The following PRKAR1B variants were observed in gnomAD, a reference collection of about 807,000 sequenced individuals.
PRKAR1B encodes the protein protein kinase cAMP-dependent type I regulatory subunit beta, also known as cAMP-dependent protein kinase type I-beta regulatory subunit.
PRKAR1B carries 22 observed loss-of-function variants against 46.5 expected under a neutral mutation model. The ratio of observed to expected loss-of-function variants is 0.47; its 90% CI spans 0.34 to 0.68. PRKAR1B has a LOEUF of 0.68. Among genes scored for constraint, PRKAR1B ranks in the 30% least tolerant of loss-of-function variants. The probability of loss-of-function intolerance (pLI) is 0.01; values close to 1 mark genes in which losing one functional copy is unlikely to be tolerated. For synonymous variants in PRKAR1B, 259 were observed against 217.7 expected (o/e 1.19, Z -1.67); for missense variants, 445 against 535.6 (o/e 0.83, Z 1.67).
chr7:651,939 A>G (rs1285697987), intron 4 of PRKAR1B, among the ~76,000 whole-genome samples: 2 of 70,252 alleles, frequency 2.8e-5, no homozygotes, highest in Admixed American at 1.2e-4. Flanking sequence ...GTTCACACCC[A>G]CACAGCGCTA....
intron 9 of PRKAR1B, among the ~76,000 whole-genome samples, chr7:576,851 A>G (rs1417916900): frequency 1.3e-5 from 2 of 152,078 alleles, no homozygotes; most frequent in Non-Finnish European, 2.9e-5. Context: ...TTGCAGGTGC[A>G]GGGGCCCGAG....
chr7:599,871 G>A (rs909607269), intron 6 of PRKAR1B, among the ~76,000 whole-genome samples: 3 of 143,982 alleles, frequency 2.1e-5, no homozygotes, highest in Non-Finnish European at 3.1e-5. Context: ...GGAGGCACAC[G>A]GGCAGGCCCC....
chr7:597,715 G>A (rs1384829062), intron 6 of PRKAR1B, among the ~76,000 whole-genome samples: 5 of 152,234 alleles, frequency 3.3e-5, no homozygotes, highest in Non-Finnish European at 7.3e-5. Context: ...GAGGACTGGC[G>A]ATGAAGCCGG....
rs1784087478 is a variant in PRKAR1B at position 550,138 on chromosome 7, G to T, written c.*292C>A. On this transcript the variant is annotated 3_prime_UTR_variant, in exon 11 of 11. Coordinates refer to ENST00000537384, the MANE Select transcript of PRKAR1B (RefSeq NM_001164760.2). Reference sequence around the variant, plus strand: ...TCCAGGAGACTGGCAGGGGTGGGGTGGGCCCCCCAGGAGAAGCCCACAGAG... The same window carrying T: ...TCCAGGAGACTGGCAGGGGTGGGGTTGGCCCCCCAGGAGAAGCCCACAGAG... 3 of 406,890 alleles carry T rather than the reference G, an allele frequency of 7.4e-6. No homozygotes were observed. Among genetic ancestry groups the T allele is most frequent in the African/African-American group, 4.2e-5 (2 of 47,934 alleles). 25.2% of individuals were successfully genotyped at this position (406,890 alleles called of 1,614,324 possible).
At chr7:718,023 G>C (rs1012315416) in intron 1 of PRKAR1B, among the ~76,000 whole-genome samples, 1 of 152,092 alleles carries the variant, frequency 6.6e-6, no homozygotes, top group Admixed American at 6.5e-5. Flanking sequence ...ATCAGTGGCT[G>C]TAAGAGGACC....
rs767804442 is a variant in PRKAR1B, at chr7:644,913, C to T, written c.440+32316G>A. Among the ~76,000 whole-genome samples the T allele has an allele frequency of 3.9e-5, 6 of 152,300 alleles. No homozygotes were observed. Among genetic ancestry groups the T allele is most frequent in the African/African-American group, 9.6e-5 (4 of 41,570 alleles). On this transcript the variant is annotated intron_variant, in intron 4 of 10. Transcript: ENST00000537384. This position sits in a 1 kb window ranked among gnomAD's most constrained non-coding sequence, Gnocchi z 4.9. ...AGGCCGCCCAGGCCACCCCGTCTCACGATGGGGAGATGTGAGACCCTGAAA... is the reference window on the plus strand; with the variant it reads ...AGGCCGCCCAGGCCACCCCGTCTCATGATGGGGAGATGTGAGACCCTGAAA...
chr7:701,732 T>C (rs1433414715), intron 2 of PRKAR1B, among the ~76,000 whole-genome samples: 1 of 152,184 alleles, frequency 6.6e-6, no homozygotes, highest in Non-Finnish European at 1.5e-5. Flanking sequence ...TGAAATAAAA[T>C]CACTCTCCAC....
chr7:696,089 C>T (rs2128519444), intron 2 of PRKAR1B, among the ~76,000 whole-genome samples: 1 of 151,674 alleles, frequency 6.6e-6, no homozygotes, highest in African/African-American at 2.4e-5. Context: ...CCATCTCAGC[C>T]TCCTGAGTAT....
chr7:699,161 G>C (rs1296026960), intron 2 of PRKAR1B, among the ~76,000 whole-genome samples: 3 of 152,256 alleles, frequency 2.0e-5, no homozygotes, highest in Non-Finnish European at 4.4e-5. Flanking sequence ...GGCCTCAGAG[G>C]CATGCCTGGG....
intron 4 of PRKAR1B, among the ~76,000 whole-genome samples, chr7:624,437 GAAAAA>G (rs113289360): frequency 6.9e-6 from 1 of 144,076 alleles, no homozygotes; most frequent in African/African-American, 2.5e-5. Context: ...ATCTCAAAAA[GAAAAA>G]AAAAAAGTGC....
intron 2 of PRKAR1B, among the ~76,000 whole-genome samples, chr7:704,346 C>T (rs1780204188): frequency 6.6e-6 from 1 of 152,282 alleles, no homozygotes; most frequent in Non-Finnish European, 1.5e-5. Context: ...ATTACCGTCT[C>T]AGGAATGAAA....
intron 4 of PRKAR1B, among the ~76,000 whole-genome samples, chr7:616,340 C>T (rs1430639519): frequency 6.6e-6 from 1 of 152,262 alleles, no homozygotes; most frequent in Admixed American, 6.5e-5. Context: ...TTCCTTCCCC[C>T]TCCACCTGCC....
intron 2 of PRKAR1B, among the ~76,000 whole-genome samples, chr7:687,080 T>C (rs1418146475): frequency 6.6e-6 from 1 of 152,220 alleles, no homozygotes; most frequent in African/African-American, 2.4e-5. Context: ...CTAGCACCCC[T>C]AGGCTAGCCA....
intron 4 of PRKAR1B, among the ~76,000 whole-genome samples, chr7:615,411 C>A (rs28850367): frequency 6.1e-5 from 9 of 148,066 alleles, no homozygotes; most frequent in Non-Finnish European, 1.3e-4. Flanking sequence ...GGAGACAGAG[C>A]GAGACTCCGT....
rs9719797 is a variant in PRKAR1B at position 726,792 on chromosome 7, G to A, written c.-23+418C>T. The A allele has an allele frequency of 7.6e-3, 9,852 of 1,289,962 alleles. 623 individuals are homozygous for A. In the African/African-American group the frequency reaches 0.14, roughly 18 times the overall value. The allele number at this position is 1,289,962 out of a possible 1,614,324, so 79.9% of individuals were successfully genotyped here. On this transcript the variant is annotated intron_variant, in intron 1 of 10. Coordinates refer to ENST00000537384, the MANE Select transcript of PRKAR1B (RefSeq NM_001164760.2). The stretch of plus-strand genomic sequence containing the variant: ...CTGAGGGGGCCGAGACGGCTGAGGC[G>A]GTGGAGCTGAGCCGCGCCCTGAGCC...
intron 4 of PRKAR1B, among the ~76,000 whole-genome samples, chr7:620,122 G>A (rs1369424938): frequency 2.0e-5 from 3 of 151,708 alleles, no homozygotes; most frequent in Non-Finnish European, 2.9e-5. Flanking sequence ...CCAAAGTGCT[G>A]GGATTACAGG....
At position 550,472 on chromosome 7, in the gene PRKAR1B, C is replaced by T; in HGVS notation, c.1104G>A (p.Arg368=). ...TGAAGCTGTTGTAACGCTGAATGTTCCTCTTGAGGATCTCAGAGCAGGGCC... is the reference window on the plus strand; with the variant it reads ...TGAAGCTGTTGTAACGCTGAATGTTTCTCTTGAGGATCTCAGAGCAGGGCC... ...VLGPCSEILK[R]NIQRYNSFIS... The change falls in exon 11 of 11, where the codon AGG becomes AGA. Residue 368 remains arginine, a synonymous_variant. Coordinates refer to ENST00000537384, the MANE Select transcript of PRKAR1B (RefSeq NM_001164760.2). 7 of 1,597,550 alleles carry T rather than the reference C, an allele frequency of 4.4e-6. No individual in the cohort carries two copies. The highest frequency in any genetic ancestry group is 6.0e-6 in the Non-Finnish European group (7 of 1,172,590).
intron 3 of PRKAR1B, among the ~76,000 whole-genome samples, chr7:680,157 CAAAAAA>C (rs372918350): frequency 7.7e-4 from 57 of 73,688 alleles, no homozygotes; most frequent in African/African-American, 2.6e-3. Flanking sequence ...GACTCTGTTT[CAAAAAA>C]AAAAAAAAAA....
rs976364678 is a variant in PRKAR1B, at chr7:648,841, A to C, written c.440+28388T>G. Among the ~76,000 whole-genome samples the C allele has an allele frequency of 4.6e-5, 7 of 152,094 alleles. No homozygotes were observed. In the East Asian group the frequency reaches 1.4e-3, roughly 29 times the overall value. On this transcript the variant is annotated intron_variant, in intron 4 of 10. Transcript: ENST00000537384. ...CCCATAGGGATTGGACACTCACCAA[A>C]ACAAGATATCACGGAGAAAATTTAA... is the stretch of plus-strand genomic sequence containing the variant.
Sources: gnomAD v4.1 joint callset for allele counts (sites outside exome capture counted in the v4.1 genomes callset) on GRCh38, gnomAD v4.1.1 for gene constraint, Gnocchi (gnomAD v3.1) non-coding constraint, MANE v1.5 for transcripts, NCBI Gene and HGNC (gene_info 2026-07-23, HGNC 2026-07-21) for gene names.